The following TSNARE1 variants were observed in gnomAD, a reference collection of about 807,000 sequenced individuals.
The protein encoded by TSNARE1 is t-SNARE domain-containing protein 1.
A neutral mutation model predicts 62.0 loss-of-function variants in TSNARE1; 49 were observed. That is an observed-to-expected ratio of 0.79 (90% CI 0.63 to 1.00). TSNARE1 has a LOEUF of 1.00. Among genes scored for constraint, TSNARE1 ranks in the 50% least tolerant of loss-of-function variants. The pLI is 0.00. For synonymous variants in TSNARE1, 328 were observed against 294.4 expected, an observed-to-expected ratio of 1.11 and a Z score of -1.17; for missense variants, 755 against 700.1, an observed-to-expected ratio of 1.08 and a Z score of -0.88.
chr8:142,364,317 G>A (rs1208484449), intron 1 of TSNARE1, among the ~76,000 whole-genome samples: 6 of 152,250 alleles, frequency 3.9e-5, no homozygotes, highest in African/African-American at 1.2e-4. Context: ...AGTGGTACTC[G>A]ATTAGAACTT....
chr8:142,335,553 T>C (rs1367684411), intron 4 of TSNARE1, among the ~76,000 whole-genome samples: 1 of 151,812 alleles, frequency 6.6e-6, no homozygotes, highest in Admixed American at 6.6e-5. Context: ...TCATAAGCCC[T>C]TAGTGGAGAT....
intron 12 of TSNARE1, among the ~76,000 whole-genome samples, chr8:142,261,121 G>A (rs1227919899): frequency 2.8e-4 from 23 of 81,744 alleles, no homozygotes; most frequent in Non-Finnish European, 4.6e-4. Flanking sequence ...GGGAAGGAGA[G>A]AGAGAGGAGG....
At chr8:142,332,470 A>T (rs908619149) in intron 4 of TSNARE1, among the ~76,000 whole-genome samples, 3 of 143,820 alleles carry the variant, frequency 2.1e-5, no homozygotes, top group African/African-American at 2.5e-5. Flanking sequence ...AACATTTTAG[A>T]ATTAGTGGTG....
intron 1 of TSNARE1, among the ~76,000 whole-genome samples, chr8:142,398,040 C>T (rs1425397977): frequency 1.3e-5 from 2 of 152,148 alleles, no homozygotes; most frequent in Non-Finnish European, 2.9e-5. Flanking sequence ...CAGGCTGACC[C>T]GAGTCAGACC....
At chr8:142,299,696 A>G (rs1388357324) in intron 10 of TSNARE1, among the ~76,000 whole-genome samples, 2 of 151,944 alleles carry the variant, frequency 1.3e-5, no homozygotes, top group Non-Finnish European at 2.9e-5. Context: ...ACACGCATGC[A>G]CACACACGCA....
At chr8:142,236,408 T>C (rs1185936395) in intron 12 of TSNARE1, among the ~76,000 whole-genome samples, 2 of 151,896 alleles carry the variant, frequency 1.3e-5, no homozygotes, top group Admixed American at 6.6e-5. Context: ...CGAGGTGGCG[T>C]GACCGTCCCC....
chr8:142,340,431 T>C (rs564182106), intron 4 of TSNARE1, among the ~76,000 whole-genome samples: 49 of 152,214 alleles, frequency 3.2e-4, no homozygotes, highest in Admixed American at 1.3e-3. Context: ...CTGCCAGGGC[T>C]GGGGGAGCTG....
chr8:142,285,849 G>A (rs371456170), intron 10 of TSNARE1, among the ~76,000 whole-genome samples: 4 of 152,266 alleles, frequency 2.6e-5, no homozygotes, highest in African/African-American at 9.6e-5. Flanking sequence ...GATCCTAAGA[G>A]ACGTGGCCAC....
chr8:142,313,239 T>A (rs1459857821), intron 9 of TSNARE1, among the ~76,000 whole-genome samples: 1 of 152,228 alleles, frequency 6.6e-6, no homozygotes, highest in Non-Finnish European at 1.5e-5. Context: ...TATCTGCATG[T>A]GTCTAGATGT....
intron 6 of TSNARE1, among the ~76,000 whole-genome samples, chr8:142,320,985 C>T (rs535129393): frequency 2.6e-5 from 4 of 152,336 alleles, no homozygotes; most frequent in African/African-American, 9.6e-5. Context: ...CTCATTTGTG[C>T]CTCCCTCACA....
Position 142,274,900 on chromosome 8 carries a change from A to G in TSNARE1, c.1364-37T>C, listed in dbSNP as rs116007733. 2.1e-3 allele frequency: 3,058 copies of G among 1,482,956 alleles called. 50 individuals are homozygous for G. In the African/African-American group the frequency reaches 0.038, roughly 18 times the overall value. The allele number at this position is 1,482,956 out of a possible 1,614,324, so 91.9% of individuals were successfully genotyped here. ...GACAACAGAAGGCAATTACAGATGG[A>G]GGCCCAGCCGCCCCCGCCCTGAGGA... On this transcript the variant is annotated intron_variant, in intron 11 of 13. Coordinates refer to ENST00000524325, the MANE Select transcript of TSNARE1 (RefSeq NM_145003.5).
intron 12 of TSNARE1, among the ~76,000 whole-genome samples, chr8:142,252,116 C>T (rs775319793): frequency 3.3e-5 from 5 of 152,008 alleles, no homozygotes. Flanking sequence ...GCCCGGGCAC[C>T]ATGTACCCGC....
intron 13 of TSNARE1, among the ~76,000 whole-genome samples, chr8:142,216,785 G>A (rs1054728248): frequency 3.9e-5 from 6 of 152,202 alleles, no homozygotes; most frequent in Non-Finnish European, 7.4e-5. Flanking sequence ...ACTTGGCACC[G>A]ACCCTGCCTG....
chr8:142,360,786 G>A lies in TSNARE1; in HGVS notation c.-39-6023C>T, dbSNP rs953608440. ...TGGGACAAAGCGCCCCGGCCCAGGAGGAGGGAGGCCTGGCAGCAGGCCACA... is the reference window on the plus strand; with the variant it reads ...TGGGACAAAGCGCCCCGGCCCAGGAAGAGGGAGGCCTGGCAGCAGGCCACA... On this transcript the variant is annotated intron_variant, in intron 1 of 13. Transcript: ENST00000524325. 2.6e-5 allele frequency among the ~76,000 whole-genome samples: 4 copies of A among 152,332 alleles called. No individual in the cohort carries two copies. In the South Asian group the frequency reaches 8.3e-4, roughly 32 times the overall value.
chr8:142,373,717 G>A (rs1318729680), intron 1 of TSNARE1, among the ~76,000 whole-genome samples: 1 of 146,816 alleles, frequency 6.8e-6, no homozygotes. Context: ...AAAACCACCA[G>A]AGACCTGCCT....
At chr8:142,248,518 G>A (rs961865682) in intron 12 of TSNARE1, among the ~76,000 whole-genome samples, 2 of 152,172 alleles carry the variant, frequency 1.3e-5, no homozygotes, top group Non-Finnish European at 1.5e-5. Context: ...GGCTGAGAAC[G>A]CGGCCCCCAG....
intron 1 of TSNARE1, among the ~76,000 whole-genome samples, chr8:142,372,740 A>C (rs538641744): frequency 1.8e-4 from 28 of 152,084 alleles, no homozygotes; most frequent in African/African-American, 5.5e-4. Flanking sequence ...AGGCCACCCC[A>C]CCAGTGCCAT....
intron 1 of TSNARE1, among the ~76,000 whole-genome samples, chr8:142,379,050 C>A (rs1836538817): frequency 1.3e-5 from 2 of 152,214 alleles, no homozygotes; most frequent in African/African-American, 4.8e-5. Context: ...ACTAGGCTAG[C>A]AGCATCCCTT....
chr8:142,271,597 T>G, intron 12 of TSNARE1: 1 of 1,429,350 alleles, frequency 7.0e-7, no homozygotes, highest in Non-Finnish European at 9.1e-7. Flanking sequence ...GGAAGACTCC[T>G]CGTAAGTCCA....
Sources: gnomAD v4.1 joint callset for allele counts (sites outside exome capture counted in the v4.1 genomes callset) on GRCh38, gnomAD v4.1.1 for gene constraint, MANE v1.5 for transcripts, NCBI Gene and HGNC (gene_info 2026-07-23, HGNC 2026-07-21) for gene names.